The following SORCS1 variants were observed in gnomAD, a reference collection of about 807,000 sequenced individuals.
SORCS1 encodes the protein VPS10 domain-containing receptor SorCS1.
SORCS1 carries 60 observed loss-of-function variants against 146.1 expected under a neutral mutation model. The observed-to-expected ratio is 0.41, with a 90% CI of 0.33 to 0.51. SORCS1 has a LOEUF of 0.51. SORCS1 is among the 20% of genes least tolerant of loss of function. The pLI, the probability that SORCS1 is intolerant of heterozygous loss-of-function variation, is 0.21. For synonymous variants in SORCS1, 637 were observed against 584.0 expected, an observed-to-expected ratio of 1.09 and a Z score of -1.31; for missense variants, 1,352 against 1,487.6, an observed-to-expected ratio of 0.91 and a Z score of 1.50.
intron 2 of SORCS1, among the ~76,000 whole-genome samples, chr10:106,885,195 A>T (rs1950948958): frequency 6.7e-6 from 1 of 149,006 alleles, no homozygotes; most frequent in Admixed American, 6.8e-5. Flanking sequence ...TAATCATATA[A>T]TTTTTTCTTC....
rs201771978 is a variant in SORCS1, at chr10:106,745,405, C to T, written c.960-15291G>A. Among the ~76,000 whole-genome samples, 56 of 141,038 alleles carry T rather than the reference C, an allele frequency of 4.0e-4. No homozygotes were observed. In the East Asian group the frequency reaches 6.1e-3, roughly 15 times the overall value. 92.5% of individuals were successfully genotyped at this position (141,038 alleles called of 152,430 possible). A position where few individuals can be genotyped will look rare whatever the true frequency, so the allele number is the denominator to read the frequency against. On this transcript the variant is annotated intron_variant, in intron 5 of 25. Transcript: ENST00000263054. ...CAGCCTGGGCGACAGAGTGAGACAACGTCTAAAAAAAAAAAAAGAAAAGAA... is the reference window on the plus strand; with the variant it reads ...CAGCCTGGGCGACAGAGTGAGACAATGTCTAAAAAAAAAAAAAGAAAAGAA...
At chr10:106,858,538 G>A (rs1307135084) in intron 2 of SORCS1, among the ~76,000 whole-genome samples, 1 of 150,440 alleles carries the variant, frequency 6.6e-6, no homozygotes, top group African/African-American at 2.4e-5. Context: ...AACCCAGGAG[G>A]CGGAGCTGGC....
At chr10:106,897,132 C>G (rs112811042) in intron 2 of SORCS1, among the ~76,000 whole-genome samples, 1 of 151,942 alleles carries the variant, frequency 6.6e-6, no homozygotes, top group Non-Finnish European at 1.5e-5. Context: ...CCGCCCACCT[C>G]GGCCTCCCAA....
intron 2 of SORCS1, among the ~76,000 whole-genome samples, chr10:106,914,512 C>T (rs1025243909): frequency 3.3e-5 from 5 of 152,164 alleles, no homozygotes; most frequent in Non-Finnish European, 7.3e-5. Flanking sequence ...ATGCAAAATA[C>T]TGGACAGAAC....
intron 5 of SORCS1, among the ~76,000 whole-genome samples, chr10:106,731,774 A>G (rs1430159611): frequency 1.3e-5 from 2 of 152,180 alleles, no homozygotes; most frequent in Non-Finnish European, 2.9e-5. Flanking sequence ...AAGCTACTGG[A>G]AGGTCTTCTC....
intron 1 of SORCS1, among the ~76,000 whole-genome samples, chr10:107,093,870 T>A (rs1964374255): frequency 6.6e-6 from 1 of 152,084 alleles, no homozygotes; most frequent in South Asian, 2.1e-4. Context: ...CTCTTGTAAC[T>A]TTATCTTCTT....
chr10:106,735,043 G>A (rs1856850135), intron 5 of SORCS1, among the ~76,000 whole-genome samples: 1 of 151,762 alleles, frequency 6.6e-6, no homozygotes, highest in African/African-American at 2.4e-5. Flanking sequence ...CTACTCAGGA[G>A]GCTGAGGCAG....
chr10:106,672,776 G>C (rs966874022), intron 15 of SORCS1, 92 bp downstream of exon 15: 8 of 1,020,038 alleles, frequency 7.8e-6, no homozygotes, highest in Admixed American at 2.0e-5. Flanking sequence ...TTGGCCTAGA[G>C]CATCCTAGTT....
At chr10:106,782,742 T>C (rs1440958034) in intron 3 of SORCS1, among the ~76,000 whole-genome samples, 1 of 152,242 alleles carries the variant, frequency 6.6e-6, no homozygotes. Context: ...ACTATTTTAC[T>C]GTAAGAATCT....
chr10:106,962,375 C>A (rs1589801226), intron 1 of SORCS1, among the ~76,000 whole-genome samples: 2 of 52,536 alleles, frequency 3.8e-5, no homozygotes, highest in East Asian at 1.2e-3. Context: ...GCCTGGGCAA[C>A]AAGAGCAAAA....
chr10:106,762,386 C>CTTTTTTTTTT lies in SORCS1; in HGVS notation c.886-735_886-726dup, dbSNP rs869195563. 3.1e-4 allele frequency among the ~76,000 whole-genome samples: 23 copies of CTTTTTTTTTT among 73,822 alleles called. 1 individual carries two copies. Among genetic ancestry groups the CTTTTTTTTTT allele is most frequent in the Middle Eastern group, 0.019 (1 of 52 alleles). 48.4% of individuals were successfully genotyped at this position (73,822 alleles called of 152,430 possible). ...TTCTTTCTAAGTCTTTTTTATTATT[C>CTTTTTTTTTT]TTTTTTTTTTTTTTTTTTTTTTTTG... On this transcript the variant is annotated intron_variant, in intron 4 of 25. Coordinates refer to ENST00000263054, the MANE Select transcript of SORCS1 (RefSeq NM_052918.5).
intron 1 of SORCS1, among the ~76,000 whole-genome samples, chr10:107,145,362 G>T (rs556425342): frequency 2.0e-5 from 3 of 152,264 alleles, no homozygotes; most frequent in African/African-American, 7.2e-5. Context: ...GAAACATTTC[G>T]TCAGTCATCC....
At chr10:107,120,052 C>T (rs1966297270) in intron 1 of SORCS1, among the ~76,000 whole-genome samples, 1 of 152,088 alleles carries the variant, frequency 6.6e-6, no homozygotes, top group African/African-American at 2.4e-5. Flanking sequence ...TCTAGGATGA[C>T]TACCAGGCTT....
chr10:107,040,773 A>C (rs534726523), intron 1 of SORCS1, among the ~76,000 whole-genome samples: 1 of 152,330 alleles, frequency 6.6e-6, no homozygotes, highest in East Asian at 1.9e-4. Flanking sequence ...TGGTAGCAGC[A>C]GCAGCATCAT....
At chr10:107,059,664 G>A (rs936135003) in intron 1 of SORCS1, among the ~76,000 whole-genome samples, 5 of 152,232 alleles carry the variant, frequency 3.3e-5, no homozygotes, top group Non-Finnish European at 7.4e-5. Context: ...CTGTATACAG[G>A]ATGGGCCTGT....
intron 2 of SORCS1, among the ~76,000 whole-genome samples, chr10:106,893,847 A>C (rs1951338218): frequency 6.6e-6 from 1 of 152,214 alleles, no homozygotes; most frequent in South Asian, 2.1e-4. Flanking sequence ...GGCCAGCAGC[A>C]TGAGGTTGAA....
intron 2 of SORCS1, among the ~76,000 whole-genome samples, chr10:106,892,228 T>C (rs934833312): frequency 2.0e-5 from 3 of 152,224 alleles, no homozygotes; most frequent in Non-Finnish European, 4.4e-5. Context: ...CAACACTCTT[T>C]GGTGACCCTA....
intron 1 of SORCS1, among the ~76,000 whole-genome samples, chr10:107,115,982 T>C (rs1279623511): frequency 6.6e-6 from 1 of 152,138 alleles, no homozygotes; most frequent in Non-Finnish European, 1.5e-5. Flanking sequence ...TATAAATGGC[T>C]ATTTGTATGT....
intron 18 of SORCS1, among the ~76,000 whole-genome samples, chr10:106,631,431 T>A (rs1848433514): frequency 6.6e-6 from 1 of 152,232 alleles, no homozygotes; most frequent in African/African-American, 2.4e-5. Flanking sequence ...CCAGTTAGTT[T>A]CCACCCCTAG....
Sources: allele counts gnomAD v4.1 joint callset (sites outside exome capture counted in the v4.1 genomes callset), GRCh38; gene constraint gnomAD v4.1.1; transcripts MANE v1.5; gene names NCBI Gene and HGNC (gene_info 2026-07-23, HGNC 2026-07-21).